DLC1: variants seen among roughly 807,000 people sequenced by gnomAD.
DLC1 encodes rho GTPase-activating protein 7.
In DLC1, 54 loss-of-function variants were observed where a neutral mutation model predicts 140.3. The observed-to-expected ratio is 0.38, with a 90% confidence interval of 0.31 to 0.48. The LOEUF is 0.48. Among genes scored for constraint, DLC1 ranks in the 20% least tolerant of loss-of-function variants. The probability of loss-of-function intolerance (pLI) is 0.96; values close to 1 mark genes in which losing one functional copy is unlikely to be tolerated. For missense variants in DLC1, 2,536 were observed against 1,907.0 expected (o/e 1.33, Z -6.14); for synonymous variants, 986 against 728.1 (o/e 1.35, Z -5.70).
rs1563360729 is a variant in DLC1, at chr8:13,453,517, T to TATATGTATATATATAC, written c.1023+45531_1023+45532insGTATATATATACATAT. On this transcript the variant is annotated intron_variant, in intron 2 of 17. Transcript: ENST00000276297. Reference sequence around the variant, plus strand: ...ATATATATATGTATATATATATACATATATATATATGTATATATATACATA... The same window carrying TATATGTATATATATAC: ...ATATATATATGTATATATATATACATATATGTATATATATACATATATATATGTATATATATACATA... Among the ~76,000 whole-genome samples, 53 of 26,530 alleles carry TATATGTATATATATAC rather than the reference T, an allele frequency of 2.0e-3. 11 individuals are homozygous for TATATGTATATATATAC. Among genetic ancestry groups the TATATGTATATATATAC allele is most frequent in the African/African-American group, 7.1e-3 (53 of 7,434 alleles). 17.4% of individuals were successfully genotyped at this position (26,530 alleles called of 152,430 possible).
At chr8:13,550,471 T>A (rs1267744563) in intron 1 of DLC1, among the ~76,000 whole-genome samples, 2 of 152,124 alleles carry the variant, frequency 1.3e-5, no homozygotes, top group East Asian at 1.9e-4. Context: ...TTTTGCATGG[T>A]CTTCTTGAGC....
intron 4 of DLC1, among the ~76,000 whole-genome samples, chr8:13,327,929 C>A (rs527465857): frequency 1.3e-5 from 2 of 152,150 alleles, no homozygotes; most frequent in Non-Finnish European, 2.9e-5. Flanking sequence ...TAAATATGAA[C>A]AAGGCAAAGT....
intron 4 of DLC1, among the ~76,000 whole-genome samples, chr8:13,354,952 CAAAAA>C (rs33950865): frequency 1.9e-5 from 2 of 106,980 alleles, no homozygotes; most frequent in Non-Finnish European, 3.9e-5. Flanking sequence ...GACACTGGCT[CAAAAA>C]AAAAAAAAAA....
chr8:13,192,097 C>A (rs1175696361), intron 5 of DLC1, among the ~76,000 whole-genome samples: 1 of 151,930 alleles, frequency 6.6e-6, no homozygotes, highest in East Asian at 1.9e-4. Context: ...CAGGCACATG[C>A]CACCGTGCCC....
intron 2 of DLC1, among the ~76,000 whole-genome samples, chr8:13,470,128 T>A (rs62494067): frequency 0.32 from 47,862 of 151,932 alleles, 7,974 homozygotes; most frequent in Middle Eastern, 0.42. Flanking sequence ...TTAATAAAAC[T>A]TTTGAATAAA....
At chr8:13,371,965 A>G (rs897002368) in intron 4 of DLC1, among the ~76,000 whole-genome samples, 5 of 152,154 alleles carry the variant, frequency 3.3e-5, no homozygotes, top group Admixed American at 1.3e-4. Context: ...GAGAAAATAA[A>G]AACTGTGGCT....
At chr8:13,447,965 A>C (rs1482781130) in intron 2 of DLC1, among the ~76,000 whole-genome samples, 1 of 152,166 alleles carries the variant, frequency 6.6e-6, no homozygotes, top group African/African-American at 2.4e-5. Context: ...GTGTGTGAAA[A>C]TCCTCCTGAA....
chr8:13,393,675 C>T lies in DLC1; in HGVS notation c.1192G>A (p.Glu398Lys), dbSNP rs1195041249. ...RHVPDLESGSESGADTISVNQ... is the reference protein window; with the variant it reads ...RHVPDLESGSKSGADTISVNQ... ...ACTGAAATGGTATCTGCTCCACTTTCAGATCCTGATTCCAGATCCTATTAA... is the reference window on the plus strand; with the variant it reads ...ACTGAAATGGTATCTGCTCCACTTTTAGATCCTGATTCCAGATCCTATTAA... Residue 398 changes from glutamate (E) to lysine (K), a missense_variant, in exon 4 of 18, where the codon GAA becomes AAA. By Grantham distance (56) the Glu-to-Lys change is moderately conservative (BLOSUM62 1). Coordinates refer to ENST00000276297, the MANE Select transcript of DLC1 (RefSeq NM_182643.3). The T allele has an allele frequency of 1.9e-6, 3 of 1,613,834 alleles. No individual in the cohort carries two copies. Among genetic ancestry groups the T allele is most frequent in the South Asian group, 2.2e-5 (2 of 91,022 alleles).
intron 5 of DLC1, among the ~76,000 whole-genome samples, chr8:13,205,174 C>A (rs943057412): frequency 6.6e-6 from 1 of 152,092 alleles, no homozygotes; most frequent in African/African-American, 2.4e-5. Context: ...GTCTGCAGAA[C>A]AGACTAATAA....
chr8:13,527,139 A>G (rs1314639068), intron 1 of DLC1, among the ~76,000 whole-genome samples: 1 of 152,176 alleles, frequency 6.6e-6, no homozygotes. Context: ...CGATTGAGTG[A>G]CTGTTGTTGT....
intron 2 of DLC1, among the ~76,000 whole-genome samples, chr8:13,432,998 C>G (rs781165274): frequency 6.6e-5 from 8 of 120,430 alleles, no homozygotes; most frequent in Non-Finnish European, 1.3e-4. Context: ...GAGAATCTAA[C>G]TTGTAAGTTG....
At chr8:13,539,546 G>C (rs1803414929) in intron 1 of DLC1, among the ~76,000 whole-genome samples, 1 of 152,108 alleles carries the variant, frequency 6.6e-6, no homozygotes, top group Non-Finnish European at 1.5e-5. Flanking sequence ...CAAGCTGAGA[G>C]CTCCTTTAAG....
In DLC1 at chr8:13,520,697, C is replaced by A. The variant is rs530307442; in HGVS notation, c.-125-20501G>T. 1.9e-4 allele frequency among the ~76,000 whole-genome samples: 29 copies of A among 152,148 alleles called. No homozygotes were observed. The South Asian group carries it at 3.9e-3, about 21-fold the overall frequency. Reference sequence around the variant, plus strand: ...CAAGAGGGCACGTATGTCTTAGAAGCGAATGAGTCTGCCTGCCTGTCCTGT... The same window carrying A: ...CAAGAGGGCACGTATGTCTTAGAAGAGAATGAGTCTGCCTGCCTGTCCTGT... On this transcript the variant is annotated intron_variant, in intron 1 of 1. Coordinates refer to the DLC1 transcript ENST00000631382.
intron 5 of DLC1, among the ~76,000 whole-genome samples, chr8:13,257,166 T>A (rs780258451): frequency 2.0e-5 from 3 of 152,032 alleles, no homozygotes; most frequent in Non-Finnish European, 2.9e-5. Flanking sequence ...CACAAAATCA[T>A]GTTCTTTACT....
chr8:13,285,755 T>C (rs1831516290), intron 5 of DLC1, among the ~76,000 whole-genome samples: 1 of 152,132 alleles, frequency 6.6e-6, no homozygotes, highest in Non-Finnish European at 1.5e-5. Context: ...TCTTATAAAG[T>C]TAAACGTACC....
At chr8:13,319,284 C>T (rs943833382) in intron 4 of DLC1, among the ~76,000 whole-genome samples, 1 of 152,084 alleles carries the variant, frequency 6.6e-6, no homozygotes, top group African/African-American at 2.4e-5. Flanking sequence ...AATTAAGATC[C>T]CATTTTCGCC....
At chr8:13,453,484 A>G (rs1585134564) in intron 2 of DLC1, among the ~76,000 whole-genome samples, 1 of 37,282 alleles carries the variant, frequency 2.7e-5, no homozygotes, top group African/African-American at 1.3e-4. Flanking sequence ...ATATATGTAT[A>G]TATATACATA....
At chr8:13,281,050 G>A (rs575896212) in intron 5 of DLC1, among the ~76,000 whole-genome samples, 39 of 152,296 alleles carry the variant, frequency 2.6e-4, no homozygotes, top group African/African-American at 7.9e-4. Context: ...AGGAGTATTC[G>A]TAGAATGAAG....
At chr8:13,298,494 A>G (rs1832051423) in intron 5 of DLC1, among the ~76,000 whole-genome samples, 1 of 152,250 alleles carries the variant, frequency 6.6e-6, no homozygotes, top group African/African-American at 2.4e-5. Flanking sequence ...CCTGTTTTAC[A>G]GAACATCTAT....
Sources: allele counts gnomAD v4.1 joint callset (sites outside exome capture counted in the v4.1 genomes callset), GRCh38; gene constraint gnomAD v4.1.1; transcripts MANE v1.5; gene names NCBI Gene and HGNC (gene_info 2026-07-23, HGNC 2026-07-21).